DNAJC25: variants seen among roughly 807,000 people sequenced by gnomAD.
The protein encoded by DNAJC25 is DnaJ heat shock protein family (Hsp40) member C25.
Under a neutral mutation model 42.1 loss-of-function variants are expected in DNAJC25, and 26 were observed. The ratio of observed to expected loss-of-function variants is 0.62; its 90% CI spans 0.45 to 0.86. The LOEUF (loss-of-function observed/expected upper bound fraction) is 0.86. Among genes scored for constraint, DNAJC25 ranks in the 40% least tolerant of loss-of-function variants. The probability of loss-of-function intolerance (pLI) is 0.00; values close to 1 mark genes in which losing one functional copy is unlikely to be tolerated. For synonymous variants in DNAJC25, 189 were observed against 179.9 expected (o/e 1.05, Z -0.40); for missense variants, 404 against 459.4 (o/e 0.88, Z 1.10).
At chr9:111,639,490 T>G (rs1380854117) in intron 1 of DNAJC25, among the ~76,000 whole-genome samples, 1 of 152,106 alleles carries the variant, frequency 6.6e-6, no homozygotes, top group Non-Finnish European at 1.5e-5. Context: ...ATCATGGAAG[T>G]TTTTGAGACT....
intron 3 of DNAJC25, among the ~76,000 whole-genome samples, chr9:111,650,993 G>T: frequency 6.6e-6 from 1 of 152,134 alleles, no homozygotes; most frequent in East Asian, 1.9e-4. Flanking sequence ...AGGGCTGGGT[G>T]TGGTGGCTCA....
chr9:111,649,460 G>C lies in DNAJC25; in HGVS notation c.497G>C (p.Ser166Thr). ...CTCTGTTAATTATTCTAGTTTTTCAGCTGGTGGAATAGCTACAATAAGGCA... is the reference window on the plus strand; with the variant it reads ...CTCTGTTAATTATTCTAGTTTTTCACCTGGTGGAATAGCTACAATAAGGCA... Reference protein sequence around the residue: ...VCAISVFQFFSWWNSYNKAIS... With the variant: ...VCAISVFQFFTWWNSYNKAIS... The change falls in exon 3 of 4, where the codon AGC becomes ACC. Residue 166 changes from serine (S) to threonine (T), a missense_variant. By Grantham distance (58) the Ser-to-Thr change is moderately conservative. Transcript: ENST00000313525. The C allele has an allele frequency of 6.4e-7, 1 of 1,570,250 alleles. No homozygotes were observed. Among genetic ancestry groups the C allele is most frequent in the Middle Eastern group, 1.7e-4 (1 of 5,816 alleles).
At chr9:111,633,897 G>T (rs1420335774) in intron 1 of DNAJC25, among the ~76,000 whole-genome samples, 1 of 152,186 alleles carries the variant, frequency 6.6e-6, no homozygotes, top group African/African-American at 2.4e-5. Context: ...ATCAAGGAAC[G>T]TTTAGGCAGT....
intron 1 of DNAJC25, among the ~76,000 whole-genome samples, chr9:111,640,581 C>T (rs1830438876): frequency 1.6e-5 from 1 of 63,996 alleles, no homozygotes. Context: ...CCCCGCCGCC[C>T]CATCTGGGAT....
At chr9:111,631,958 C>T (rs1830289814) in intron 1 of DNAJC25, among the ~76,000 whole-genome samples, 1 of 152,268 alleles carries the variant, frequency 6.6e-6, no homozygotes, top group Non-Finnish European at 1.5e-5. Context: ...CCTCCTTGCC[C>T]TCTTCCTTTT....
chr9:111,634,595 T>A lies in DNAJC25; in HGVS notation c.336+2852T>A, dbSNP rs186253635. 2.0e-4 allele frequency among the ~76,000 whole-genome samples: 30 copies of A among 152,292 alleles called. No homozygotes were observed. In the East Asian group the frequency reaches 5.6e-3, roughly 28 times the overall value. ...CAGTGGCTCTGGAATAAAAACGGGA[T>A]GCAGAAGCCTGTATCTGAATGTTGA... On this transcript the variant is annotated intron_variant, in intron 1 of 3. Transcript: ENST00000313525.
chr9:111,631,877 T>G (rs1830287358), intron 1 of DNAJC25, 134 bp downstream of exon 1: 1 of 1,381,550 alleles, frequency 7.2e-7, no homozygotes, highest in African/African-American at 1.5e-5. Flanking sequence ...ACCTTTAAGA[T>G]ACTCACGTTT....
At position 111,649,653 on chromosome 9, in the gene DNAJC25, A is replaced by T. The variant is rs1385962920; in HGVS notation, c.690A>T (p.Ile230=). ...TAAAGAACATTATAAAAAGTAAAAT[A>T]GATATAAAGGGGGGCTATCAGAAAC... ...NIIKNIIKSK[I]DIKGGYQKPQ... Residue 230 remains isoleucine (I), a synonymous_variant, in exon 3 of 4, where the codon ATA becomes ATT. Coordinates refer to ENST00000313525, the MANE Select transcript of DNAJC25 (RefSeq NM_001015882.3). The T allele has an allele frequency of 6.2e-7, 1 of 1,613,834 alleles. No homozygotes were observed. Among genetic ancestry groups the T allele is most frequent in the Non-Finnish European group, 8.5e-7 (1 of 1,179,938 alleles).
intron 1 of DNAJC25, among the ~76,000 whole-genome samples, chr9:111,645,460 G>A (rs7032519): frequency 0.098 from 14,937 of 152,066 alleles, 2,478 homozygotes; most frequent in African/African-American, 0.34. Flanking sequence ...TTGCCATGTT[G>A]GCCAGGCTGG....
chr9:111,631,671 G>T lies in DNAJC25; in HGVS notation c.264G>T (p.Glu88Asp). ...PDRYRPQPGD[E>D]GPGRTPQSAE... is the part of the protein sequence containing the mutation. ...GCTACCGGCCCCAGCCCGGAGACGA[G>T]GGCCCCGGGCGGACGCCGCAGAGCG... Residue 88 changes from glutamate to aspartate, a missense_variant, in exon 1 of 4, where the codon GAG (glutamate) becomes GAT (aspartate). Transcript: ENST00000313525. 6.6e-7 allele frequency: 1 copy of T among 1,522,162 alleles called. No individual in the cohort carries two copies. Among genetic ancestry groups the T allele is most frequent in the Non-Finnish European group, 8.8e-7 (1 of 1,141,340 alleles). The allele number at this position is 1,522,162 out of a possible 1,614,324, so 94.3% of individuals were successfully genotyped here.
intron 1 of DNAJC25, among the ~76,000 whole-genome samples, chr9:111,641,177 G>A (rs1301434886): frequency 1.7e-5 from 2 of 119,444 alleles, no homozygotes; most frequent in Admixed American, 8.1e-5. Flanking sequence ...GGAGGGAGGT[G>A]GGGGGGTCAG....
intron 1 of DNAJC25, among the ~76,000 whole-genome samples, chr9:111,632,719 CTA>C (rs1278556648): frequency 6.8e-6 from 1 of 146,450 alleles, no homozygotes; most frequent in Non-Finnish European, 1.5e-5. Flanking sequence ...GCAAAATTTT[CTA>C]TGTTGCCAGG....
chr9:111,641,579 G>A (rs1213325016), intron 1 of DNAJC25, among the ~76,000 whole-genome samples: 30 of 134,828 alleles, frequency 2.2e-4, no homozygotes, highest in Non-Finnish European at 9.5e-5. Context: ...AGGGAGGTGG[G>A]GGGGTCGGCC....
At chr9:111,635,961 CCTT>C (rs1830356454) in intron 1 of DNAJC25, among the ~76,000 whole-genome samples, 1 of 152,196 alleles carries the variant, frequency 6.6e-6, no homozygotes. Flanking sequence ...TTACTCAACC[CCTT>C]CTTTAACTGG....
intron 1 of DNAJC25, among the ~76,000 whole-genome samples, chr9:111,641,663 C>T (rs1254143190): frequency 1.6e-5 from 2 of 127,610 alleles, no homozygotes; most frequent in South Asian, 2.6e-4. Flanking sequence ...CCGCCCCGTC[C>T]GGGAGGGAGG....
intron 1 of DNAJC25, among the ~76,000 whole-genome samples, chr9:111,638,160 A>G (rs1830391159): frequency 6.6e-6 from 1 of 152,182 alleles, no homozygotes; most frequent in East Asian, 1.9e-4. Flanking sequence ...TATAATTATG[A>G]CTCTCACAAA....
intron 1 of DNAJC25, chr9:111,642,775 A>G: frequency 4.3e-6 from 2 of 461,984 alleles, no homozygotes; most frequent in Non-Finnish European, 9.0e-6. Context: ...ATGACCCTTT[A>G]AGAGAAGGAA....
intron 1 of DNAJC25, among the ~76,000 whole-genome samples, chr9:111,640,061 C>T (rs1346862989): frequency 3.3e-5 from 5 of 151,596 alleles, no homozygotes; most frequent in South Asian, 2.1e-4. Context: ...CTCAGTCTGC[C>T]GAATGCCTGC....
chr9:111,640,232 A>G (rs1213729005), intron 1 of DNAJC25, among the ~76,000 whole-genome samples: 5 of 149,248 alleles, frequency 3.4e-5, no homozygotes, highest in African/African-American at 7.4e-5. Context: ...TCAGTGCTCA[A>G]TGGTGCCCAG....
Sources: gnomAD v4.1 joint callset for allele counts (sites outside exome capture counted in the v4.1 genomes callset) on GRCh38, gnomAD v4.1.1 for gene constraint, MANE v1.5 for transcripts, NCBI Gene and HGNC (gene_info 2026-07-23, HGNC 2026-07-21) for gene names.